The following PHKB variants were observed in gnomAD, a reference collection of about 807,000 sequenced individuals.
The protein encoded by PHKB is phosphorylase kinase regulatory subunit beta.
Under a neutral mutation model 152.1 loss-of-function variants are expected in PHKB, and 122 were observed. The ratio of observed to expected loss-of-function variants is 0.80; its 90% CI spans 0.69 to 0.93. PHKB has a LOEUF of 0.93. Among genes scored for constraint, PHKB ranks in the 40% least tolerant of loss-of-function variants. The pLI is 0.00. For synonymous variants in PHKB, 436 were observed against 464.9 expected (o/e 0.94, Z 0.80); for missense variants, 1,304 against 1,328.4 (o/e 0.98, Z 0.29).
chr16:47,661,670 C>T (rs1346575220), intron 22 of PHKB, 49 bp from the exon 23 acceptor site: 1 of 1,207,478 alleles, frequency 8.3e-7, no homozygotes, highest in African/African-American at 1.5e-5. Context: ...TCTGTGGTAA[C>T]TGCTGTACCC....
chr16:47,647,297 T>C (rs1293716655), intron 16 of PHKB, among the ~76,000 whole-genome samples: 1 of 151,880 alleles, frequency 6.6e-6, no homozygotes. Context: ...CTAATTTTTG[T>C]ATTATTAGTA....
intron 7 of PHKB, among the ~76,000 whole-genome samples, chr16:47,552,593 A>T (rs1478430950): frequency 6.6e-6 from 1 of 152,118 alleles, no homozygotes; most frequent in Non-Finnish European, 1.5e-5. Flanking sequence ...GGTGGATCAC[A>T]AGGTCAGGAG....
intron 7 of PHKB, among the ~76,000 whole-genome samples, chr16:47,556,867 A>T (rs371210173): frequency 1.6e-4 from 25 of 152,264 alleles, no homozygotes; most frequent in South Asian, 1.2e-3. Flanking sequence ...CTTGTACCTC[A>T]GGTAGAATTC....
chr16:47,592,261 G>A (rs1972041802), intron 10 of PHKB, among the ~76,000 whole-genome samples: 1 of 152,156 alleles, frequency 6.6e-6, no homozygotes, highest in Non-Finnish European at 1.5e-5. Flanking sequence ...TAAATATAAT[G>A]AGTAAATTTG....
intron 20 of PHKB, among the ~76,000 whole-genome samples, chr16:47,658,297 A>C (rs1272593119): frequency 6.6e-6 from 1 of 152,002 alleles, no homozygotes; most frequent in Non-Finnish European, 1.5e-5. Flanking sequence ...TCCTTTCTTC[A>C]GTTTCTGATT....
chr16:47,466,755 T>C (rs927021316), intron 1 of PHKB, among the ~76,000 whole-genome samples: 44 of 152,220 alleles, frequency 2.9e-4, no homozygotes, highest in African/African-American at 8.4e-4. Flanking sequence ...ATGCCTGATA[T>C]TGTTTTTTTT....
At chr16:47,650,214 C>A in intron 18 of PHKB, among the ~76,000 whole-genome samples, 1 of 151,888 alleles carries the variant, frequency 6.6e-6, no homozygotes, top group East Asian at 1.9e-4. Context: ...GAGTTCTAGA[C>A]CAGTCTTGGC....
intron 26 of PHKB, among the ~76,000 whole-genome samples, chr16:47,678,025 T>G (rs544695463): frequency 4.2e-4 from 63 of 151,164 alleles, no homozygotes; most frequent in African/African-American, 1.5e-3. Context: ...CGGTGTTTCC[T>G]TTTTTGTCCT....
chr16:47,562,740 A>G (rs766078569), intron 7 of PHKB, among the ~76,000 whole-genome samples: 2 of 152,336 alleles, frequency 1.3e-5, no homozygotes, highest in African/African-American at 2.4e-5. Flanking sequence ...TAAGACAACA[A>G]TGAAGTTTGC....
chr16:47,661,640 G>T, intron 22 of PHKB, 79 bp from the exon 23 acceptor site: 1 of 852,082 alleles, frequency 1.2e-6, no homozygotes, highest in Admixed American at 1.7e-5. Flanking sequence ...TGCATCATGT[G>T]GTTTTGTGAT....
chr16:47,666,089 G>C, intron 25 of PHKB: 1 of 1,259,412 alleles, frequency 7.9e-7, no homozygotes, highest in Admixed American at 1.7e-5. Context: ...TTTCTGGCTA[G>C]GACCCTTAAT....
chr16:47,549,447 T>C (rs996372137), intron 7 of PHKB, among the ~76,000 whole-genome samples: 2 of 152,102 alleles, frequency 1.3e-5, no homozygotes, highest in Admixed American at 1.3e-4. Flanking sequence ...TCCAACACTT[T>C]GGGAGGCCGA....
At chr16:47,663,355 CTCTTT>C (rs1973476697) in intron 23 of PHKB, among the ~76,000 whole-genome samples, 1 of 152,106 alleles carries the variant, frequency 6.6e-6, no homozygotes, top group Non-Finnish European at 1.5e-5. Context: ...TTACTATATT[CTCTTT>C]TCTTCTTTTC....
At chr16:47,609,588 A>G (rs1003069332) in intron 13 of PHKB, among the ~76,000 whole-genome samples, 10 of 151,498 alleles carry the variant, frequency 6.6e-5, no homozygotes, top group African/African-American at 2.4e-5. Context: ...TAAAGTTTCA[A>G]TCACTTTATG....
intron 26 of PHKB, among the ~76,000 whole-genome samples, chr16:47,678,330 C>T (rs1208497190): frequency 2.0e-5 from 3 of 152,170 alleles, no homozygotes; most frequent in East Asian, 1.9e-4. Flanking sequence ...TTCTAGATCC[C>T]TGAGGAATCG....
intron 14 of PHKB, among the ~76,000 whole-genome samples, chr16:47,622,561 G>A (rs768549928): frequency 4.6e-5 from 7 of 152,194 alleles, no homozygotes; most frequent in Non-Finnish European, 1.0e-4. Context: ...TATTATGATA[G>A]AGCAGATCAT....
intron 6 of PHKB, 90 bp downstream of exon 6, chr16:47,515,691 T>G (rs1970584342): frequency 1.4e-6 from 1 of 713,534 alleles, no homozygotes; most frequent in Non-Finnish European, 2.5e-6. Flanking sequence ...TTTTAGTTTA[T>G]GTAAAATGTA....
At chr16:47,504,551 C>T (rs540234330) in intron 4 of PHKB, among the ~76,000 whole-genome samples, 1 of 152,222 alleles carries the variant, frequency 6.6e-6, no homozygotes, top group South Asian at 2.1e-4. Context: ...CTGTGGTTAG[C>T]AGTCTCAGGC....
At chr16:47,577,348 A>G (rs565881408) in intron 7 of PHKB, among the ~76,000 whole-genome samples, 1 of 152,262 alleles carries the variant, frequency 6.6e-6, no homozygotes, top group East Asian at 1.9e-4. Context: ...CACATTTAGA[A>G]TCATATCAGA....
Sources: allele counts gnomAD v4.1 joint callset (sites outside exome capture counted in the v4.1 genomes callset), GRCh38; gene constraint gnomAD v4.1.1; transcripts MANE v1.5; gene names NCBI Gene and HGNC (gene_info 2026-07-23, HGNC 2026-07-21).